Variants in RAB3C observed in about 807,000 individuals in gnomAD.
RAB3C encodes the protein RAB3C, member RAS oncogene family.
RAB3C carries 17 observed loss-of-function variants against 26.4 expected under a neutral mutation model. The ratio of observed to expected loss-of-function variants is 0.64; its 90% CI spans 0.44 to 0.97. The LOEUF (loss-of-function observed/expected upper bound fraction) is 0.97. Among genes scored for constraint, RAB3C ranks in the 50% least tolerant of loss-of-function variants. The pLI is 0.00. For missense variants in RAB3C, 242 were observed against 281.9 expected (o/e 0.86, Z 1.01); for synonymous variants, 91 against 95.9 (o/e 0.95, Z 0.30).
chr5:58,654,546 T>C (rs1747725906), intron 2 of RAB3C, among the ~76,000 whole-genome samples: 1 of 152,194 alleles, frequency 6.6e-6, no homozygotes, highest in Non-Finnish European at 1.5e-5. Context: ...TAATTACTTT[T>C]CCCATTTTTA....
At chr5:58,772,422 A>G (rs567486312) in intron 3 of RAB3C, among the ~76,000 whole-genome samples, 1 of 152,160 alleles carries the variant, frequency 6.6e-6, no homozygotes, top group Non-Finnish European at 1.5e-5. Flanking sequence ...CAGAAAATCA[A>G]TACTGGAAAT....
At chr5:58,635,772 T>G (rs1281286958) in intron 2 of RAB3C, among the ~76,000 whole-genome samples, 1 of 152,166 alleles carries the variant, frequency 6.6e-6, no homozygotes, top group Non-Finnish European at 1.5e-5. Context: ...TGTCACAGTT[T>G]GAGAAGGCAG....
intron 4 of RAB3C, among the ~76,000 whole-genome samples, chr5:58,842,628 A>G (rs1743899687): frequency 6.6e-6 from 1 of 152,244 alleles, no homozygotes; most frequent in South Asian, 2.1e-4. Context: ...CCTAAGAAAG[A>G]TTCATCATCA....
intron 3 of RAB3C, among the ~76,000 whole-genome samples, chr5:58,801,486 A>G (rs1244654057): frequency 6.6e-6 from 1 of 152,226 alleles, no homozygotes; most frequent in Non-Finnish European, 1.5e-5. Flanking sequence ...AATCCAGCCA[A>G]TCACTAAAGA....
At chr5:58,595,236 A>G (rs569211916) in intron 1 of RAB3C, among the ~76,000 whole-genome samples, 1 of 152,284 alleles carries the variant, frequency 6.6e-6, no homozygotes, top group African/African-American at 2.4e-5. Flanking sequence ...GCAGTGAGTT[A>G]TATCACTGGT....
intron 1 of RAB3C, among the ~76,000 whole-genome samples, chr5:58,606,771 C>T (rs932269476): frequency 6.6e-6 from 1 of 152,204 alleles, no homozygotes; most frequent in Non-Finnish European, 1.5e-5. Flanking sequence ...CCCAGGCAAA[C>T]ACGGTCTGGA....
intron 4 of RAB3C, among the ~76,000 whole-genome samples, chr5:58,832,385 C>T (rs1743632122): frequency 2.0e-5 from 3 of 152,172 alleles, no homozygotes; most frequent in African/African-American, 7.2e-5. Flanking sequence ...GAGTTTATTT[C>T]TTTTGGGGGG....
intron 2 of RAB3C, among the ~76,000 whole-genome samples, chr5:58,652,207 A>G (rs1747668049): frequency 6.6e-6 from 1 of 151,886 alleles, no homozygotes; most frequent in African/African-American, 2.4e-5. Context: ...AAGTTGGAAA[A>G]TATTTTACAA....
chr5:58,803,836 G>A (rs1742870654), intron 3 of RAB3C, among the ~76,000 whole-genome samples: 2 of 152,036 alleles, frequency 1.3e-5, no homozygotes, highest in South Asian at 4.1e-4. Flanking sequence ...TGAGGCGGGT[G>A]GATCACAAGG....
At chr5:58,837,763 T>C (rs1743784040) in intron 4 of RAB3C, among the ~76,000 whole-genome samples, 1 of 150,412 alleles carries the variant, frequency 6.6e-6, no homozygotes, top group South Asian at 2.1e-4. Flanking sequence ...ATCACCATGC[T>C]GGCCAGGCTG....
intron 4 of RAB3C, among the ~76,000 whole-genome samples, chr5:58,834,807 G>A (rs900863247): frequency 5.3e-5 from 8 of 152,168 alleles, no homozygotes; most frequent in East Asian, 3.9e-4. Flanking sequence ...GGCTGGGAAG[G>A]GAAGGGACTG....
rs1420877355 is a variant in RAB3C at position 58,791,629 on chromosome 5, G to C, written c.372-33409G>C. ...TCCTCCATAGTTATGAATCTAAGAA[G>C]CTACTTAATCTATTTGGTGCTTAAA... On this transcript the variant is annotated intron_variant, in intron 3 of 4. Coordinates refer to ENST00000282878, the MANE Select transcript of RAB3C (RefSeq NM_138453.4). Among the ~76,000 whole-genome samples the C allele has an allele frequency of 2.6e-5, 4 of 152,258 alleles. No individual in the cohort carries two copies. In the East Asian group the frequency reaches 7.7e-4, roughly 29 times the overall value.
chr5:58,622,181 A>G (rs377601), intron 2 of RAB3C, among the ~76,000 whole-genome samples: 37,801 of 151,944 alleles, frequency 0.25, 4,958 homozygotes, highest in Admixed American at 0.31. Flanking sequence ...GGACACAGGA[A>G]CGATCCCTCA....
intron 3 of RAB3C, among the ~76,000 whole-genome samples, chr5:58,771,119 C>T (rs1003796795): frequency 3.3e-5 from 5 of 152,042 alleles, no homozygotes; most frequent in African/African-American, 1.2e-4. Flanking sequence ...TCCTGCTCTA[C>T]CAAGATCAAT....
At chr5:58,769,532 C>G (rs1263867545) in intron 3 of RAB3C, among the ~76,000 whole-genome samples, 1 of 150,918 alleles carries the variant, frequency 6.6e-6, no homozygotes, top group Non-Finnish European at 1.5e-5. Context: ...ATCCTGACAA[C>G]CATATCTTTA....
At chr5:58,754,515 G>A (rs1741607249) in intron 3 of RAB3C, among the ~76,000 whole-genome samples, 1 of 152,134 alleles carries the variant, frequency 6.6e-6, no homozygotes, top group South Asian at 2.1e-4. Context: ...AGTTTAGTAA[G>A]GAGGACAGGA....
At chr5:58,822,206 T>C (rs1223792296) in intron 3 of RAB3C, among the ~76,000 whole-genome samples, 1 of 152,204 alleles carries the variant, frequency 6.6e-6, no homozygotes, top group Non-Finnish European at 1.5e-5. Context: ...TTTGAACTTT[T>C]AATGAGTATC....
intron 2 of RAB3C, among the ~76,000 whole-genome samples, chr5:58,691,097 T>TA (rs566480783): frequency 3.6e-3 from 521 of 144,572 alleles, no homozygotes; most frequent in African/African-American, 8.6e-3. Context: ...CAATTTCCAG[T>TA]AAAAAAAAAA....
intron 2 of RAB3C, among the ~76,000 whole-genome samples, chr5:58,618,531 T>C (rs150374906): frequency 1.8e-4 from 27 of 152,250 alleles, no homozygotes; most frequent in Non-Finnish European, 3.2e-4. Context: ...GCTTTTTGCC[T>C]CTCCTTACCT....
Sources: allele counts gnomAD v4.1 joint callset (sites outside exome capture counted in the v4.1 genomes callset), GRCh38; gene constraint gnomAD v4.1.1; transcripts MANE v1.5; gene names NCBI Gene and HGNC (gene_info 2026-07-23, HGNC 2026-07-21).